The following CPNE4 variants were observed in gnomAD, a reference collection of about 807,000 sequenced individuals.
CPNE4 encodes copine 4, also known as copine-4.
Under a neutral mutation model 67.9 loss-of-function variants are expected in CPNE4, and 25 were observed. That is an observed-to-expected ratio of 0.37 (90% CI 0.27 to 0.51). The LOEUF (loss-of-function observed/expected upper bound fraction) is 0.51, where lower values mean the gene tolerates loss of function less well. Ranked by LOEUF, CPNE4 falls within the 20% of genes least tolerant of loss-of-function variation. CPNE4 has a pLI of 0.93. For synonymous variants in CPNE4, 242 were observed against 244.9 expected (o/e 0.99, Z 0.11); for missense variants, 464 against 690.8 (o/e 0.67, Z 3.68).
At chr3:131,931,557 T>C (rs528133466) in intron 1 of CPNE4, among the ~76,000 whole-genome samples, 68 of 152,104 alleles carry the variant, frequency 4.5e-4, no homozygotes, top group Non-Finnish European at 7.4e-4. Context: ...TAGGTATCCT[T>C]ACCTAATTGC....
intron 2 of CPNE4, among the ~76,000 whole-genome samples, chr3:131,748,493 A>G (rs1429193499): frequency 6.6e-6 from 1 of 151,962 alleles, no homozygotes; most frequent in East Asian, 1.9e-4. Context: ...TTTATTTTCT[A>G]GAAGAGATTG....
In CPNE4 at chr3:131,743,844, T is replaced by C. The variant is rs559237406; in HGVS notation, c.181-20219A>G. ...CGGGCGTGGTAGCGGGCGCCTGTAG[T>C]CCCAGCTACTCGGGAGGCTGAGGCA... On this transcript the variant is annotated intron_variant, in intron 2 of 15. Transcript: ENST00000429747. Among the ~76,000 whole-genome samples the C allele has an allele frequency of 4.0e-5, 6 of 150,380 alleles. No individual in the cohort carries two copies. In the East Asian group the frequency reaches 9.8e-4, roughly 25 times the overall value.
intron 2 of CPNE4, among the ~76,000 whole-genome samples, chr3:131,831,125 T>C (rs1210129418): frequency 1.3e-5 from 2 of 151,960 alleles, no homozygotes; most frequent in Non-Finnish European, 2.9e-5. Context: ...TTGCTAAAAA[T>C]CCTTCAAAAT....
chr3:131,714,169 A>C (rs1008186776), intron 3 of CPNE4, among the ~76,000 whole-genome samples: 1 of 152,118 alleles, frequency 6.6e-6, no homozygotes, highest in Admixed American at 6.6e-5. Context: ...TACTGTGGGC[A>C]TTACATTGAG....
At chr3:131,640,252 A>C (rs767144076) in intron 7 of CPNE4, among the ~76,000 whole-genome samples, 15 of 152,132 alleles carry the variant, frequency 9.9e-5, no homozygotes, top group Non-Finnish European at 2.2e-4. Context: ...TTGTATACCT[A>C]GGAAACCCTA....
intron 1 of CPNE4, among the ~76,000 whole-genome samples, chr3:131,978,229 A>ATT (rs2072750209): frequency 6.8e-5 from 1 of 14,732 alleles, no homozygotes; most frequent in African/African-American, 5.1e-4. Flanking sequence ...ATAAATTTAC[A>ATT]TATTTATATA....
intron 2 of CPNE4, among the ~76,000 whole-genome samples, chr3:131,759,761 CT>C (rs1184209638): frequency 8.5e-5 from 13 of 152,076 alleles, no homozygotes; most frequent in Non-Finnish European, 2.9e-5. Flanking sequence ...TCTTTAAAAC[CT>C]ATCTGCAGAG....
chr3:131,811,437 T>G lies in CPNE4; in HGVS notation c.181-87812A>C, dbSNP rs534411711. Reference sequence around the variant, plus strand: ...CTGGAAATAATGTAAATATGTTGAGTTGGGACATTAGAGCATGGTAAGAGA... The same window carrying G: ...CTGGAAATAATGTAAATATGTTGAGGTGGGACATTAGAGCATGGTAAGAGA... On this transcript the variant is annotated intron_variant, in intron 2 of 15. Coordinates refer to ENST00000429747, the MANE Select transcript of CPNE4 (RefSeq NM_130808.3). Among the ~76,000 whole-genome samples, 10 of 152,238 alleles carry G rather than the reference T, an allele frequency of 6.6e-5. No homozygotes were observed. The East Asian group carries it at 7.7e-4, about 12-fold the overall frequency.
At chr3:131,765,671 G>T (rs910802792) in intron 2 of CPNE4, among the ~76,000 whole-genome samples, 2 of 151,998 alleles carry the variant, frequency 1.3e-5, no homozygotes, top group Non-Finnish European at 2.9e-5. Context: ...CTTTGAGAGA[G>T]GCAGTAGTTA....
intron 7 of CPNE4, among the ~76,000 whole-genome samples, chr3:131,661,328 C>T (rs966282306): frequency 3.3e-5 from 5 of 152,010 alleles, no homozygotes; most frequent in East Asian, 1.9e-4. Context: ...AAGCAATTTG[C>T]GAAAACACAG....
intron 2 of CPNE4, among the ~76,000 whole-genome samples, chr3:131,739,723 C>T (rs778273965): frequency 6.6e-6 from 1 of 152,230 alleles, no homozygotes; most frequent in Non-Finnish European, 1.5e-5. Flanking sequence ...ATTGTACTTA[C>T]ATGCCACAAG....
intron 5 of CPNE4, among the ~76,000 whole-genome samples, chr3:131,690,995 C>T (rs915243113): frequency 6.6e-6 from 1 of 152,074 alleles, no homozygotes; most frequent in Non-Finnish European, 1.5e-5. Context: ...AAATCAAAAC[C>T]ACAATGAGAT....
intron 2 of CPNE4, among the ~76,000 whole-genome samples, chr3:131,878,373 C>T (rs1278617966): frequency 6.6e-6 from 1 of 152,090 alleles, no homozygotes; most frequent in Non-Finnish European, 1.5e-5. Context: ...CTAAAGAGCA[C>T]ATGCGGTATG....
At chr3:131,659,678 G>T (rs1007836477) in intron 7 of CPNE4, among the ~76,000 whole-genome samples, 10 of 152,186 alleles carry the variant, frequency 6.6e-5, no homozygotes, top group Admixed American at 5.2e-4. Context: ...TGGCCAGGTT[G>T]TACCATCTCT....
intron 1 of CPNE4, among the ~76,000 whole-genome samples, chr3:131,920,260 A>G (rs990396287): frequency 5.3e-5 from 8 of 152,174 alleles, no homozygotes; most frequent in Non-Finnish European, 1.0e-4. Context: ...CTATGGAATT[A>G]TATGTAGATT....
intron 3 of CPNE4, among the ~76,000 whole-genome samples, chr3:131,706,450 T>C (rs1024060380): frequency 6.6e-6 from 1 of 152,244 alleles, no homozygotes; most frequent in Non-Finnish European, 1.5e-5. Context: ...AGCTTACGTA[T>C]GAATGAGAAA....
chr3:132,037,498 G>C (rs996299812), upstream of CPNE4: 7 of 1,354,482 alleles, frequency 5.2e-6, no homozygotes, highest in South Asian at 8.7e-5. Context: ...CAAGTTGCCC[G>C]CCAGCCACAG....
chr3:131,652,229 C>T (rs1427283816), intron 7 of CPNE4, among the ~76,000 whole-genome samples: 2 of 152,118 alleles, frequency 1.3e-5, no homozygotes, highest in African/African-American at 4.8e-5. Flanking sequence ...TTTTAGAAAG[C>T]TAATAAAAAC....
chr3:131,913,147 T>A (rs1033443676), intron 1 of CPNE4, among the ~76,000 whole-genome samples: 5 of 152,096 alleles, frequency 3.3e-5, no homozygotes, highest in African/African-American at 1.2e-4. Context: ...CCATCAGGAA[T>A]GTCAGGCGAC....
Sources: allele counts gnomAD v4.1 joint callset (sites outside exome capture counted in the v4.1 genomes callset), GRCh38; gene constraint gnomAD v4.1.1; transcripts MANE v1.5; gene names NCBI Gene and HGNC (gene_info 2026-07-23, HGNC 2026-07-21).